DNAAF5: variants seen among roughly 807,000 people sequenced by gnomAD.
DNAAF5 encodes dynein axonemal assembly factor 5.
In DNAAF5, 64 loss-of-function variants were observed where a neutral mutation model predicts 75.8. The ratio of observed to expected loss-of-function variants is 0.84; its 90% CI spans 0.69 to 1.04. The LOEUF (loss-of-function observed/expected upper bound fraction) is 1.04, where lower values mean the gene tolerates loss of function less well. Ranked by LOEUF, DNAAF5 falls within the 50% of genes least tolerant of loss-of-function variation. The pLI, the probability that DNAAF5 is intolerant of heterozygous loss-of-function variation, is 0.00. For synonymous variants in DNAAF5, 657 were observed against 557.2 expected (o/e 1.18, Z -2.52); for missense variants, 1,269 against 1,178.5 (o/e 1.08, Z -1.12).
intron 9 of DNAAF5, among the ~76,000 whole-genome samples, chr7:773,708 G>A (rs901629671): frequency 6.6e-6 from 1 of 152,172 alleles, no homozygotes; most frequent in African/African-American, 2.4e-5. Context: ...CCCTAGCCCA[G>A]GCGTCACTCA....
Position 729,929 on chromosome 7 carries a change from T to C in DNAAF5, c.780+82T>C, listed in dbSNP as rs374397732. 4.3e-4 allele frequency: 601 copies of C among 1,385,428 alleles called. 9 individuals carry two copies. The South Asian group carries it at 5.4e-3, about 12-fold the overall frequency. 85.8% of individuals were successfully genotyped at this position (1,385,428 alleles called of 1,614,324 possible). A position where few individuals can be genotyped will look rare whatever the true frequency, so the allele number is the denominator to read the frequency against. ...GTGCTGTTTTTAACTAACTCACTTG[T>C]TCTTTTTTCAGAGTGCTGTATGCAC... is the stretch of plus-strand genomic sequence containing the variant. On this transcript the variant is annotated intron_variant, in intron 2 of 12. Transcript: ENST00000297440.
At position 754,968 on chromosome 7, in the gene DNAAF5, C is replaced by T. The variant is rs937490701; in HGVS notation, c.1257+147C>T. On this transcript the variant is annotated intron_variant, in intron 5 of 12. Coordinates refer to ENST00000297440, the MANE Select transcript of DNAAF5 (RefSeq NM_017802.4). The surrounding 1 kb of genome is among the most constrained non-coding windows in gnomAD (Gnocchi z 4.8). ...CCGCAGGCCCTCCCCACACCCAGCC[C>T]CTGGGAACAACTGATCTCCTTTCTG... 3.2e-6 allele frequency: 2 copies of T among 619,214 alleles called. No homozygotes were observed. Among genetic ancestry groups the T allele is most frequent in the East Asian group, 2.8e-5 (1 of 36,116 alleles). 38.4% of individuals were successfully genotyped at this position (619,214 alleles called of 1,614,324 possible). A position where few individuals can be genotyped will look rare whatever the true frequency, so the allele number is the denominator to read the frequency against.
intron 4 of DNAAF5, among the ~76,000 whole-genome samples, chr7:745,553 A>G (rs544583838): frequency 5.9e-5 from 9 of 151,662 alleles, no homozygotes; most frequent in Admixed American, 1.3e-4. Context: ...ACACGCGTAC[A>G]CACATCCTCG....
At position 726,971 on chromosome 7, in the gene DNAAF5, G is replaced by C; in HGVS notation, c.251G>C (p.Cys84Ser). 1.5e-6 allele frequency: 2 copies of C among 1,308,712 alleles called. No homozygotes were observed. The highest frequency in any genetic ancestry group is 2.9e-4 in the Middle Eastern group (1 of 3,410). 81.1% of individuals were successfully genotyped at this position (1,308,712 alleles called of 1,614,324 possible). ...ARLLLPRLLR[C>S]LSDPAEGCRA... ...CTACTGCTGCCGCGCTTGCTGCGCT[G>C]CCTGAGCGACCCCGCCGAGGGCTGC... is the stretch of plus-strand genomic sequence containing the variant. The change falls in exon 1 of 13, where the codon TGC (cysteine) becomes TCC (serine). Residue 84 changes from cysteine to serine, a missense_variant. Cys to Ser is a moderately radical substitution (Grantham distance 112, BLOSUM62 -1). Transcript: ENST00000297440.
chr7:755,197 G>A (rs576098114), intron 5 of DNAAF5, among the ~76,000 whole-genome samples: 24 of 152,318 alleles, frequency 1.6e-4, no homozygotes, highest in African/African-American at 5.5e-4. Flanking sequence ...GGCCCTTCCA[G>A]GCCTCGCAGG....
chr7:763,937 G>A lies in DNAAF5; in HGVS notation c.1746G>A (p.Pro582=), dbSNP rs368936903. The A allele has an allele frequency of 7.5e-5, 120 of 1,607,980 alleles. No homozygotes were observed. Among genetic ancestry groups the A allele is most frequent in the Non-Finnish European group, 7.3e-5 (86 of 1,180,016 alleles). Residue 582 remains proline, a synonymous_variant, in exon 8 of 13, where the codon CCG becomes CCA. Transcript: ENST00000297440. ...ASHLDWTAHS[P]ELLQFSVIVA... is the part of the protein sequence containing the mutation. ...ACCTTGACTGGACCGCACACTCGCC[G>A]GAGCTCCTGCAGTTCAGTGTCATCG...
At position 727,013 on chromosome 7, in the gene DNAAF5, A is replaced by G. The variant is rs1372269211; in HGVS notation, c.293A>G (p.His98Arg). ...GAGGGCTGCCGCGCGCTGGCAGTGC[A>G]CCTGCTGGATCTGGGCCTGCGCCGC... is the stretch of plus-strand genomic sequence containing the variant. ...PAEGCRALAV[H>R]LLDLGLRRAA... is the part of the protein sequence containing the mutation. Residue 98 changes from histidine to arginine, a missense_variant, in exon 1 of 13, where the codon CAC becomes CGC. Coordinates refer to ENST00000297440, the MANE Select transcript of DNAAF5 (RefSeq NM_017802.4). 15 of 1,226,062 alleles carry G rather than the reference A, an allele frequency of 1.2e-5. No homozygotes were observed. The highest frequency in any genetic ancestry group is 2.4e-5 in the South Asian group (1 of 40,916). The allele number at this position is 1,226,062 out of a possible 1,614,324, so 75.9% of individuals were successfully genotyped here.
At chr7:731,923 C>G (rs368049276) in intron 2 of DNAAF5, among the ~76,000 whole-genome samples, 1 of 152,160 alleles carries the variant, frequency 6.6e-6, no homozygotes. Flanking sequence ...ACCTCCACCC[C>G]CTCAACAACC....
At chr7:756,667 A>C in intron 5 of DNAAF5, 115 bp from the exon 6 acceptor site, 1 of 905,040 alleles carries the variant, frequency 1.1e-6, no homozygotes, top group Non-Finnish European at 1.8e-6. Flanking sequence ...ACTCTGCCTA[A>C]CACGGGGCTC....
In DNAAF5 at chr7:754,445, G is replaced by T. The variant is rs147944678; in HGVS notation, c.1025-144G>T. On this transcript the variant is annotated intron_variant, in intron 4 of 12. Coordinates refer to ENST00000297440, the MANE Select transcript of DNAAF5 (RefSeq NM_017802.4). The surrounding 1 kb of genome is among the most constrained non-coding windows in gnomAD (Gnocchi z 4.8). ...GAATGTTCTGAACGACGGGGCATTT[G>T]TCAGCTTTGCGTCCACCCCAAGACT... 608 of 743,820 alleles carry T rather than the reference G, an allele frequency of 8.2e-4. 5 individuals are homozygous for T. The African/African-American group carries it at 9.1e-3, about 11-fold the overall frequency. The allele number at this position is 743,820 out of a possible 1,614,324, so 46.1% of individuals were successfully genotyped here. A position where few individuals can be genotyped will look rare whatever the true frequency, so the allele number is the denominator to read the frequency against.
Position 726,762 on chromosome 7 carries a change from C to G in DNAAF5, c.42C>G (p.His14Gln). The stretch of plus-strand genomic sequence containing the variant: ...TGGCGGAGGCCGTGGCGGCCCCACA[C>G]CCGGCTGAGGGGGCCGAGACGGCTG... ...LGVAEAVAAPHPAEGAETAEA... is the reference protein window; with the variant it reads ...LGVAEAVAAPQPAEGAETAEA... Residue 14 changes from histidine (H) to glutamine (Q), a missense_variant, in exon 1 of 13, where the codon CAC becomes CAG. Physicochemically the swap from His to Gln is conservative, Grantham distance 24. Coordinates refer to ENST00000297440, the MANE Select transcript of DNAAF5 (RefSeq NM_017802.4). The G allele has an allele frequency of 1.6e-6, 2 of 1,256,880 alleles. No homozygotes were observed. Among genetic ancestry groups the G allele is most frequent in the Non-Finnish European group, 2.0e-6 (2 of 1,002,640 alleles). The allele number at this position is 1,256,880 out of a possible 1,614,324, so 77.9% of individuals were successfully genotyped here.
intron 8 of DNAAF5, chr7:769,125 C>T (rs903152116): frequency 1.3e-6 from 1 of 764,428 alleles, no homozygotes; most frequent in Non-Finnish European, 2.4e-6. Context: ...GGGTCTCAGT[C>T]CACTACCGAG....
chr7:732,969 TA>T (rs1477230037), intron 2 of DNAAF5, among the ~76,000 whole-genome samples: 2 of 152,230 alleles, frequency 1.3e-5, no homozygotes, highest in African/African-American at 4.8e-5. Context: ...TGGTGAGAGA[TA>T]GGGGTCCAGT....
At chr7:779,779 C>T (rs1465663894) in intron 11 of DNAAF5, 174 bp from the exon 12 acceptor site, 15 of 600,416 alleles carry the variant, frequency 2.5e-5, no homozygotes, top group East Asian at 1.7e-4. Context: ...GGTCCCAGGT[C>T]GCCAGGAGCA....
Position 775,072 on chromosome 7 carries a change from A to T in DNAAF5, c.2149A>T (p.Thr717Ser). 6.2e-7 allele frequency: 1 copy of T among 1,614,084 alleles called. No individual in the cohort carries two copies. The highest frequency in any genetic ancestry group is 2.2e-5 in the East Asian group (1 of 44,874). Reference sequence around the variant, plus strand: ...CACCCTGGAGGAGGATTCGAAGATGACGCGACTGATCTCATGCCGTATTAT... The same window carrying T: ...CACCCTGGAGGAGGATTCGAAGATGTCGCGACTGATCTCATGCCGTATTAT... ...LTTLEEDSKMTRLISCRIINT... is the reference protein window; with the variant it reads ...LTTLEEDSKMSRLISCRIINT... The change falls in exon 11 of 13, where the codon ACG becomes TCG. Residue 717 changes from threonine (T) to serine (S), a missense_variant. Coordinates refer to ENST00000297440, the MANE Select transcript of DNAAF5 (RefSeq NM_017802.4).
chr7:785,800 C>T lies in DNAAF5; in HGVS notation c.*147C>T. 3.7e-6 allele frequency: 3 copies of T among 814,668 alleles called. No individual in the cohort carries two copies. Among genetic ancestry groups the T allele is most frequent in the East Asian group, 5.5e-5 (2 of 36,210 alleles). The allele number at this position is 814,668 out of a possible 1,614,324, so 50.5% of individuals were successfully genotyped here. ...CCTCAGGACACCTGCCCACTCTTTC[C>T]CTGGAATAACAGCCTCTGAGTGGAT... On this transcript the variant is annotated 3_prime_UTR_variant, in exon 13 of 13. Transcript: ENST00000297440.
At chr7:775,843 C>T (rs1003586843) in intron 11 of DNAAF5, among the ~76,000 whole-genome samples, 3 of 151,208 alleles carry the variant, frequency 2.0e-5, no homozygotes, top group Admixed American at 1.3e-4. Flanking sequence ...TTACATTTAG[C>T]GTTAAACGTA....
intron 11 of DNAAF5, among the ~76,000 whole-genome samples, chr7:779,370 T>C (rs1206047385): frequency 1.3e-5 from 2 of 152,234 alleles, no homozygotes; most frequent in Non-Finnish European, 2.9e-5. Context: ...TTCCGGATGC[T>C]GCACAGAAGG....
Position 785,643 on chromosome 7 carries a change from C to T in DNAAF5, c.2558C>T (p.Ala853Val). ...QLLQHVQAVP[A>V]TQ ...CTGCAGCATGTGCAGGCCGTGCCAG[C>T]CACACAGTGACCACGCTGGTTTCAG... The change falls in exon 13 of 13, where the codon GCC becomes GTC. Residue 853 changes from alanine (A) to valine (V), a missense_variant. Coordinates refer to ENST00000297440, the MANE Select transcript of DNAAF5 (RefSeq NM_017802.4). 1 of 1,612,886 alleles carries T rather than the reference C, an allele frequency of 6.2e-7. No individual in the cohort carries two copies. The highest frequency in any genetic ancestry group is 8.5e-7 in the Non-Finnish European group (1 of 1,179,912).
Sources: gnomAD v4.1 joint callset for allele counts (sites outside exome capture counted in the v4.1 genomes callset) on GRCh38, gnomAD v4.1.1 for gene constraint, Gnocchi (gnomAD v3.1) non-coding constraint, MANE v1.5 for transcripts, NCBI Gene and HGNC (gene_info 2026-07-23, HGNC 2026-07-21) for gene names.